Variants in ZMAT4 observed in about 807,000 individuals in gnomAD.
ZMAT4 encodes the protein zinc finger matrin-type 4, also known as zinc finger matrin-type protein 4.
Under a neutral mutation model 28.7 loss-of-function variants are expected in ZMAT4, and 17 were observed. That is an observed-to-expected ratio of 0.59 (90% CI 0.41 to 0.89). ZMAT4 has a LOEUF of 0.89. Among genes scored for constraint, ZMAT4 ranks in the 40% least tolerant of loss-of-function variants. The pLI, the probability that ZMAT4 is intolerant of heterozygous loss-of-function variation, is 0.00. For synonymous variants in ZMAT4, 117 were observed against 109.2 expected (o/e 1.07, Z -0.44); for missense variants, 240 against 283.8 (o/e 0.85, Z 1.11).
intron 1 of ZMAT4, among the ~76,000 whole-genome samples, chr8:40,844,456 C>T (rs1227170708): frequency 6.6e-6 from 1 of 152,132 alleles, no homozygotes; most frequent in African/African-American, 2.4e-5. Flanking sequence ...GATATGGGTG[C>T]TCCAGATTGT....
intron 3 of ZMAT4, among the ~76,000 whole-genome samples, chr8:40,741,900 A>G (rs966958284): frequency 3.9e-5 from 6 of 152,228 alleles, no homozygotes; most frequent in African/African-American, 1.4e-4. Flanking sequence ...TAAAAATAAA[A>G]CATATGTATT....
intron 2 of ZMAT4, among the ~76,000 whole-genome samples, chr8:40,814,296 CT>C (rs1356994717): frequency 6.6e-6 from 1 of 152,226 alleles, no homozygotes; most frequent in Non-Finnish European, 1.5e-5. Context: ...AGCCCACCTA[CT>C]TTGGGGATTC....
At chr8:40,683,085 A>G (rs1001004469) in intron 4 of ZMAT4, among the ~76,000 whole-genome samples, 2 of 152,208 alleles carry the variant, frequency 1.3e-5, no homozygotes, top group Non-Finnish European at 2.9e-5. Flanking sequence ...CCAGGTACCT[A>G]GAACTGGGCT....
intron 6 of ZMAT4, among the ~76,000 whole-genome samples, chr8:40,554,572 T>A (rs544246493): frequency 7.2e-5 from 11 of 152,258 alleles, no homozygotes; most frequent in Non-Finnish European, 1.3e-4. Flanking sequence ...TTCATCCCAG[T>A]TGGGTCATCA....
intron 3 of ZMAT4, among the ~76,000 whole-genome samples, chr8:40,733,847 A>G (rs577709693): frequency 1.6e-3 from 241 of 152,282 alleles, no homozygotes; most frequent in African/African-American, 5.5e-3. Flanking sequence ...ATGAATCCCC[A>G]TGGTATTCCA....
intron 3 of ZMAT4, among the ~76,000 whole-genome samples, chr8:40,719,487 G>A (rs1810989694): frequency 6.6e-6 from 1 of 152,090 alleles, no homozygotes; most frequent in African/African-American, 2.4e-5. Context: ...TTTAATGAAG[G>A]TAAATTAGAG....
intron 3 of ZMAT4, among the ~76,000 whole-genome samples, chr8:40,747,535 T>TA (rs1454907519): frequency 6.6e-6 from 1 of 151,592 alleles, no homozygotes; most frequent in Non-Finnish European, 1.5e-5. Flanking sequence ...TCCCCTTTTT[T>TA]TTGCATCATC....
At chr8:40,629,610 A>G (rs1203853014) in intron 5 of ZMAT4, among the ~76,000 whole-genome samples, 4 of 133,194 alleles carry the variant, frequency 3.0e-5, no homozygotes, top group African/African-American at 1.1e-4. Flanking sequence ...CCTGTGTCCA[A>G]GTGTTCTCAT....
intron 6 of ZMAT4, among the ~76,000 whole-genome samples, chr8:40,556,012 C>T (rs1563338418): frequency 2.0e-5 from 3 of 152,126 alleles, no homozygotes; most frequent in Non-Finnish European, 2.9e-5. Context: ...CAATGGTCCC[C>T]CACCTTAAAA....
At chr8:40,651,105 G>A (rs1438294924) in intron 5 of ZMAT4, among the ~76,000 whole-genome samples, 1 of 152,002 alleles carries the variant, frequency 6.6e-6, no homozygotes, top group African/African-American at 2.4e-5. Context: ...GGAAATAAAG[G>A]GTATTCAGTT....
At chr8:40,535,117 T>A (rs1197212225) in intron 6 of ZMAT4, among the ~76,000 whole-genome samples, 3 of 152,164 alleles carry the variant, frequency 2.0e-5, no homozygotes, top group Non-Finnish European at 4.4e-5. Context: ...GAAGTGTCCC[T>A]GTCAGGGAAT....
chr8:40,559,775 G>A lies in ZMAT4; in HGVS notation c.674+21390C>T, dbSNP rs374993328. Among the ~76,000 whole-genome samples, 12 of 151,766 alleles carry A rather than the reference G, an allele frequency of 7.9e-5. No homozygotes were observed. The South Asian group carries it at 1.5e-3, about 18-fold the overall frequency. On this transcript the variant is annotated intron_variant, in intron 6 of 6. Coordinates refer to ENST00000297737, the MANE Select transcript of ZMAT4 (RefSeq NM_024645.3). ...CAAACACAAAAACACACACACATGC[G>A]AATACACATAATTACAGAAACACAC...
intron 5 of ZMAT4, among the ~76,000 whole-genome samples, chr8:40,631,852 T>A (rs1385772013): frequency 6.6e-6 from 1 of 152,206 alleles, no homozygotes; most frequent in African/African-American, 2.4e-5. Flanking sequence ...TAAGCTGGAA[T>A]CTTACCCTGA....
chr8:40,862,584 T>TAAAAAAAAAAAAAAAAAAAAAAATA (rs398007582), intron 1 of ZMAT4, among the ~76,000 whole-genome samples: 2 of 109,946 alleles, frequency 1.8e-5, no homozygotes, highest in East Asian at 2.7e-4. Context: ...AAAAAAAAAT[T>TAAAAAAAAAAAAAAAAAAAAAAATA]AAAAAAAAAA....
chr8:40,820,762 CAT>C (rs1815753240), intron 2 of ZMAT4, among the ~76,000 whole-genome samples: 1 of 119,992 alleles, frequency 8.3e-6, no homozygotes. Flanking sequence ...TGTGCATATG[CAT>C]GTGTATATGT....
At chr8:40,758,441 A>C (rs1812786080) in intron 3 of ZMAT4, among the ~76,000 whole-genome samples, 1 of 152,222 alleles carries the variant, frequency 6.6e-6, no homozygotes, top group Non-Finnish European at 1.5e-5. Context: ...CTTTCAAAAA[A>C]TAAACAGAGC....
intron 1 of ZMAT4, among the ~76,000 whole-genome samples, chr8:40,844,327 C>G (rs1816802587): frequency 6.6e-6 from 1 of 152,176 alleles, no homozygotes; most frequent in Non-Finnish European, 1.5e-5. Flanking sequence ...AGATCACCTC[C>G]ACCAATGAGG....
At chr8:40,549,838 T>G (rs1266612034) in intron 6 of ZMAT4, among the ~76,000 whole-genome samples, 1 of 152,202 alleles carries the variant, frequency 6.6e-6, no homozygotes, top group Non-Finnish European at 1.5e-5. Flanking sequence ...GACTCTGATC[T>G]GACTACTGAT....
intron 2 of ZMAT4, among the ~76,000 whole-genome samples, chr8:40,773,001 C>T (rs1053952005): frequency 2.6e-5 from 4 of 152,196 alleles, no homozygotes; most frequent in African/African-American, 9.7e-5. Context: ...AGCATCCCTT[C>T]ACTGAGGGTC....
Sources: gnomAD v4.1 joint callset for allele counts (sites outside exome capture counted in the v4.1 genomes callset) on GRCh38, gnomAD v4.1.1 for gene constraint, MANE v1.5 for transcripts, NCBI Gene and HGNC (gene_info 2026-07-23, HGNC 2026-07-21) for gene names.